SMAP1: variants seen among roughly 807,000 people sequenced by gnomAD.
The protein encoded by SMAP1 is small ArfGAP 1, also known as stromal membrane-associated protein 1.
SMAP1 carries 24 observed loss-of-function variants against 58.5 expected under a neutral mutation model. That is an observed-to-expected ratio of 0.41 (90% CI 0.30 to 0.58). The LOEUF (loss-of-function observed/expected upper bound fraction) is 0.58. Ranked by LOEUF, SMAP1 falls within the 20% of genes least tolerant of loss-of-function variation. The pLI is 0.29. For synonymous variants in SMAP1, 216 were observed against 196.6 expected (o/e 1.10, Z -0.82); for missense variants, 563 against 566.3 (o/e 0.99, Z 0.06).
intron 1 of SMAP1, among the ~76,000 whole-genome samples, chr6:70,700,308 T>C (rs1767577457): frequency 6.6e-6 from 1 of 152,154 alleles, no homozygotes; most frequent in South Asian, 2.1e-4. Context: ...CAATTAAACC[T>C]CTTTTCTCTT....
chr6:70,696,673 C>T (rs1164376704), intron 1 of SMAP1, among the ~76,000 whole-genome samples: 2 of 152,222 alleles, frequency 1.3e-5, no homozygotes, highest in Admixed American at 6.5e-5. Flanking sequence ...TATAGTCTAT[C>T]CTTGAAAATG....
intron 6 of SMAP1, among the ~76,000 whole-genome samples, chr6:70,812,424 A>T (rs1009075900): frequency 6.6e-6 from 1 of 152,300 alleles, no homozygotes; most frequent in East Asian, 1.9e-4. Context: ...TTAGGATAAA[A>T]ATTTGATTAG....
rs1024595381 is a variant in SMAP1, at chr6:70,825,898, A to G, written c.577-11043A>G. 2.0e-5 allele frequency among the ~76,000 whole-genome samples: 3 copies of G among 152,122 alleles called. No homozygotes were observed. The East Asian group carries it at 5.8e-4, about 29-fold the overall frequency. ...CTCCTGTGTGCCCCAGAAAACTTCT[A>G]TTTTCTAACTCCATCATTACACTGG... is the stretch of plus-strand genomic sequence containing the variant. On this transcript the variant is annotated intron_variant, in intron 6 of 10. Coordinates refer to ENST00000370455, the MANE Select transcript of SMAP1 (RefSeq NM_001044305.3).
At chr6:70,859,638 C>CTT (rs939834931) in intron 10 of SMAP1, 11 of 324,836 alleles carry the variant, frequency 3.4e-5, no homozygotes, top group Middle Eastern at 1.7e-3. Context: ...GGTTAAGATG[C>CTT]TTATATATAT....
intron 1 of SMAP1, among the ~76,000 whole-genome samples, chr6:70,716,130 G>C (rs1298718856): frequency 6.6e-6 from 1 of 152,180 alleles, no homozygotes; most frequent in Non-Finnish European, 1.5e-5. Context: ...TCTACTTGTT[G>C]ATGGGCATTT....
chr6:70,768,984 A>T (rs532819625), intron 3 of SMAP1, among the ~76,000 whole-genome samples: 65 of 152,000 alleles, frequency 4.3e-4, no homozygotes, highest in Admixed American at 1.2e-3. Flanking sequence ...GAACATCTTT[A>T]TTTCTGCCTT....
At chr6:70,686,861 G>A (rs555400633) in intron 1 of SMAP1, among the ~76,000 whole-genome samples, 289 of 152,300 alleles carry the variant, frequency 1.9e-3, no homozygotes, top group South Asian at 5.6e-3. Context: ...CTTATCATTT[G>A]AAAGGAACAT....
chr6:70,722,710 G>A (rs1435917110), intron 1 of SMAP1, among the ~76,000 whole-genome samples: 2 of 152,212 alleles, frequency 1.3e-5, no homozygotes, highest in African/African-American at 4.8e-5. Flanking sequence ...TTCCTTATGG[G>A]AAACAAAGGG....
chr6:70,737,427 A>G (rs934030731), intron 2 of SMAP1, among the ~76,000 whole-genome samples: 1 of 152,180 alleles, frequency 6.6e-6, no homozygotes, highest in Non-Finnish European at 1.5e-5. Flanking sequence ...AATTACTGGC[A>G]TGAACCACCG....
intron 1 of SMAP1, among the ~76,000 whole-genome samples, chr6:70,708,229 A>G (rs1323140448): frequency 3.9e-5 from 6 of 152,094 alleles, no homozygotes; most frequent in African/African-American, 1.4e-4. Context: ...TTTTCTTTCT[A>G]TATCTGGCTT....
intron 7 of SMAP1, chr6:70,837,787 G>A: frequency 1.6e-6 from 2 of 1,226,970 alleles, no homozygotes; most frequent in Admixed American, 2.7e-5. Flanking sequence ...TTAGTTTGGA[G>A]AAAGATTGAG....
chr6:70,682,977 G>A (rs1427816058), intron 1 of SMAP1, among the ~76,000 whole-genome samples: 1 of 152,004 alleles, frequency 6.6e-6, no homozygotes, highest in Admixed American at 6.5e-5. Context: ...GGTGGAGGTT[G>A]CAGTGAAAGG....
intron 6 of SMAP1, among the ~76,000 whole-genome samples, chr6:70,834,775 C>G (rs946545198): frequency 2.6e-5 from 4 of 152,158 alleles, no homozygotes; most frequent in African/African-American, 9.7e-5. Flanking sequence ...GAATTCCTTT[C>G]TTCATGACTA....
chr6:70,800,172 A>C (rs1260019666), intron 6 of SMAP1, among the ~76,000 whole-genome samples: 1 of 152,064 alleles, frequency 6.6e-6, no homozygotes, highest in Admixed American at 6.6e-5. Context: ...GTCCCCAGCT[A>C]CTTGGGAGGC....
At chr6:70,696,852 C>G (rs1278529807) in intron 1 of SMAP1, among the ~76,000 whole-genome samples, 1 of 152,140 alleles carries the variant, frequency 6.6e-6, no homozygotes, top group African/African-American at 2.4e-5. Flanking sequence ...AAATCTCCAG[C>G]TATTAACTTG....
At chr6:70,791,825 C>T in intron 5 of SMAP1, 56 bp downstream of exon 5, 1 of 1,422,728 alleles carries the variant, frequency 7.0e-7, no homozygotes, top group Non-Finnish European at 9.9e-7. Flanking sequence ...AAATTAACTT[C>T]CTTTTGCAGT....
At chr6:70,791,322 G>A (rs1768341529) in intron 4 of SMAP1, among the ~76,000 whole-genome samples, 1 of 152,094 alleles carries the variant, frequency 6.6e-6, no homozygotes, top group Non-Finnish European at 1.5e-5. Flanking sequence ...TTGGGACAGT[G>A]TGTCTTTACG....
At chr6:70,855,295 T>G (rs1166370871) in intron 8 of SMAP1, among the ~76,000 whole-genome samples, 1 of 152,114 alleles carries the variant, frequency 6.6e-6, no homozygotes, top group Non-Finnish European at 1.5e-5. Flanking sequence ...CACCAGAAAG[T>G]AAGTGGACAT....
At chr6:70,680,437 T>C (rs1581988021) in intron 1 of SMAP1, among the ~76,000 whole-genome samples, 1 of 152,210 alleles carries the variant, frequency 6.6e-6, no homozygotes, top group African/African-American at 2.4e-5. Context: ...TTATTCAGAA[T>C]ATCTAAAGAA....
Sources: gnomAD v4.1 joint callset for allele counts (sites outside exome capture counted in the v4.1 genomes callset) on GRCh38, gnomAD v4.1.1 for gene constraint, MANE v1.5 for transcripts, NCBI Gene and HGNC (gene_info 2026-07-23, HGNC 2026-07-21) for gene names.